Variants in TXNDC11 observed in about 807,000 individuals in gnomAD.
TXNDC11 encodes thioredoxin domain-containing protein 11.
In TXNDC11, 68 loss-of-function variants were observed where a neutral mutation model predicts 78.0. The observed-to-expected ratio is 0.87, with a 90% CI of 0.72 to 1.07. The LOEUF (loss-of-function observed/expected upper bound fraction) is 1.07. Among genes scored for constraint, TXNDC11 ranks in the 50% least tolerant of loss-of-function variants. The pLI, the probability that TXNDC11 is intolerant of heterozygous loss-of-function variation, is 0.00. For synonymous variants in TXNDC11, 571 were observed against 495.2 expected (o/e 1.15, Z -2.03); for missense variants, 1,389 against 1,221.8 (o/e 1.14, Z -2.04).
At chr16:11,701,417 G>C (rs189500054) in intron 5 of TXNDC11, among the ~76,000 whole-genome samples, 146 of 152,178 alleles carry the variant, frequency 9.6e-4, no homozygotes, top group Middle Eastern at 3.4e-3. Context: ...AATTACAGGT[G>C]TGAGCCACCA....
intron 8 of TXNDC11, chr16:11,688,710 A>T (rs975839327): frequency 3.4e-6 from 1 of 297,934 alleles, no homozygotes. Context: ...TTCTTTTTTT[A>T]AAAGGACTGG....
At chr16:11,692,859 C>G (rs996659712) in intron 7 of TXNDC11, among the ~76,000 whole-genome samples, 8 of 152,200 alleles carry the variant, frequency 5.3e-5, no homozygotes, top group Middle Eastern at 3.2e-3. Flanking sequence ...TCAGAACAGA[C>G]CAGGCCCTCC....
In TXNDC11 at chr16:11,679,105, C is replaced by G. The variant is rs1015506281; in HGVS notation, c.*90G>C. 1.4e-5 allele frequency: 19 copies of G among 1,370,638 alleles called. No homozygotes were observed. The highest frequency in any genetic ancestry group is 7.4e-5 in the African/African-American group (5 of 67,886). 84.9% of individuals were successfully genotyped at this position (1,370,638 alleles called of 1,614,324 possible). A position where few individuals can be genotyped will look rare whatever the true frequency, so the allele number is the denominator to read the frequency against. ...TGATTTTCTAGACCACTGAGAAAAT[C>G]TTTATTTACAATAAATTTCAATAAA... On this transcript the variant is annotated 3_prime_UTR_variant, in exon 12 of 12. Coordinates refer to ENST00000283033, the MANE Select transcript of TXNDC11 (RefSeq NM_015914.7). The surrounding 1 kb of genome is among the most constrained non-coding windows in gnomAD (Gnocchi z 4.6).
intron 1 of TXNDC11, among the ~76,000 whole-genome samples, chr16:11,736,502 C>G (rs2141123783): frequency 6.6e-6 from 1 of 152,312 alleles, no homozygotes; most frequent in Non-Finnish European, 1.5e-5. Flanking sequence ...AATCCATATT[C>G]CTGCTCCCCA....
At chr16:11,713,863 T>C (rs948423874) in intron 5 of TXNDC11, among the ~76,000 whole-genome samples, 3 of 151,722 alleles carry the variant, frequency 2.0e-5, no homozygotes, top group African/African-American at 7.3e-5. Context: ...AAAAAAACGA[T>C]CCTAGAACCC....
At chr16:11,682,460 C>T (rs2141959070) in intron 11 of TXNDC11, among the ~76,000 whole-genome samples, 1 of 152,350 alleles carries the variant, frequency 6.6e-6, no homozygotes, top group African/African-American at 2.4e-5. Context: ...CACCAGGCAG[C>T]CTAAGAACGA....
At chr16:11,719,019 TA>T (rs755931316) in intron 5 of TXNDC11, among the ~76,000 whole-genome samples, 10 of 152,236 alleles carry the variant, frequency 6.6e-5, no homozygotes, top group Non-Finnish European at 1.3e-4. Context: ...TGCTGCCTCT[TA>T]TTAGAAGGGT....
In TXNDC11 at chr16:11,721,623, A is replaced by T. The variant is rs2051710022; in HGVS notation, c.747T>A (p.Pro249=). The part of the protein sequence containing the change: ...YFEFSGSPQP[P]GYLTFFTSAL... The stretch of plus-strand genomic sequence containing the variant: ...CTGAGGTGAAGAAGGTCAAATAACC[A>T]GGAGGCTGGGGTGAGCCACTGAACT... Residue 249 remains proline, a synonymous_variant, in exon 5 of 12, where the codon CCT becomes CCA. Coordinates refer to ENST00000283033, the MANE Select transcript of TXNDC11 (RefSeq NM_015914.7). 1 of 1,612,628 alleles carries T rather than the reference A, an allele frequency of 6.2e-7. No homozygotes were observed. The highest frequency in any genetic ancestry group is 8.5e-7 in the Non-Finnish European group (1 of 1,179,144).
chr16:11,742,164 C>G lies in TXNDC11; in HGVS notation c.254+313G>C, dbSNP rs2052416371. 4 of 351,108 alleles carry G rather than the reference C, an allele frequency of 1.1e-5. No individual in the cohort carries two copies. In the Admixed American group the frequency reaches 1.4e-4, roughly 13 times the overall value. 21.7% of individuals were successfully genotyped at this position (351,108 alleles called of 1,614,324 possible). A position where few individuals can be genotyped will look rare whatever the true frequency, so the allele number is the denominator to read the frequency against. Reference sequence around the variant, plus strand: ...GGTGAGAAATGAGGGTCCTACAGCCCGGGCCGAAGTGACAGGTCCACCCCT... The same window carrying G: ...GGTGAGAAATGAGGGTCCTACAGCCGGGGCCGAAGTGACAGGTCCACCCCT... On this transcript the variant is annotated intron_variant, in intron 1 of 11. Transcript: ENST00000283033.
chr16:11,740,568 AG>A lies in TXNDC11; in HGVS notation c.254+1908del, dbSNP rs568606118. Among the ~76,000 whole-genome samples, 13 of 152,330 alleles carry A rather than the reference AG, an allele frequency of 8.5e-5. No individual in the cohort carries two copies. The South Asian group carries it at 2.7e-3, about 32-fold the overall frequency. On this transcript the variant is annotated intron_variant, in intron 1 of 11. Coordinates refer to ENST00000283033, the MANE Select transcript of TXNDC11 (RefSeq NM_015914.7). ...CGATGTAAATAAACTTCACCCCTGGAGGGGGAAACCTCTCTTCCTAATTTGA... is the reference window on the plus strand; with the variant it reads ...CGATGTAAATAAACTTCACCCCTGGAGGGGAAACCTCTCTTCCTAATTTGA...
rs34233338 is a variant in TXNDC11 at position 11,715,462 on chromosome 16, C to CA, written c.793+6114dup. On this transcript the variant is annotated intron_variant, in intron 5 of 11. Transcript: ENST00000283033. ...GCAACAAAGTGAGACCCTGTCACGGCAAAAAAAAAAAAAAAAAGAATGAAC... is the reference window on the plus strand; with the variant it reads ...GCAACAAAGTGAGACCCTGTCACGGCAAAAAAAAAAAAAAAAAAGAATGAAC... 4.5e-4 allele frequency among the ~76,000 whole-genome samples: 61 copies of CA among 135,194 alleles called. No individual in the cohort carries two copies. In the East Asian group the frequency reaches 6.2e-3, roughly 14 times the overall value. The allele number at this position is 135,194 out of a possible 152,430, so 88.7% of individuals were successfully genotyped here. A position where few individuals can be genotyped will look rare whatever the true frequency, so the allele number is the denominator to read the frequency against.
intron 1 of TXNDC11, 110 bp downstream of exon 1, chr16:11,742,367 G>T: frequency 2.2e-6 from 2 of 910,258 alleles, no homozygotes; most frequent in Middle Eastern, 3.7e-4. Flanking sequence ...TCCTGGGCAA[G>T]GTCAGGCCCG....
chr16:11,698,381 C>G, intron 6 of TXNDC11, 56 bp from the exon 7 acceptor site: 4 of 1,517,476 alleles, frequency 2.6e-6, no homozygotes, highest in Non-Finnish European at 3.7e-6. Context: ...GGGGCAAGCT[C>G]AAGGCACATC....
In TXNDC11 at chr16:11,688,376, G is replaced by A. The variant is rs1296244438; in HGVS notation, c.1970C>T (p.Ala657Val). 1.2e-6 allele frequency: 2 copies of A among 1,613,950 alleles called. No individual in the cohort carries two copies. The highest frequency in any genetic ancestry group is 1.3e-5 in the African/African-American group (1 of 75,028). ...LKRHLIGSGS[A>V]QFPSQHLITE... ...GATTAAATGCTGAGACGGGAACTGG[G>A]CAGAGCCACTTCCAATGAGATGCCT... is the stretch of plus-strand genomic sequence containing the variant. The change falls in exon 9 of 12, where the codon GCC becomes GTC. Residue 657 changes from alanine (A) to valine (V), a missense_variant. Ala to Val is a moderately conservative substitution (Grantham distance 64). Transcript: ENST00000283033.
intron 1 of TXNDC11, among the ~76,000 whole-genome samples, chr16:11,736,706 G>C (rs186403509): frequency 1.4e-3 from 210 of 152,314 alleles, no homozygotes; most frequent in African/African-American, 4.6e-3. Context: ...CTTATTAGCT[G>C]GAGTTGGCTT....
At chr16:11,689,784 T>G (rs979496089) in intron 8 of TXNDC11, among the ~76,000 whole-genome samples, 9 of 152,192 alleles carry the variant, frequency 5.9e-5, no homozygotes, top group African/African-American at 2.2e-4. Context: ...CTGGAGTCTC[T>G]TTCCCATTTA....
chr16:11,720,272 T>C (rs1384158559), intron 5 of TXNDC11, among the ~76,000 whole-genome samples: 2 of 152,204 alleles, frequency 1.3e-5, no homozygotes, highest in Non-Finnish European at 1.5e-5. Context: ...TATGCTGTAA[T>C]GTGACATGCG....
Position 11,699,287 on chromosome 16 carries a change from T to C in TXNDC11, c.907-962A>G, listed in dbSNP as rs191881075. ...TTTCCATCTCATAGTCCTACCTTTC[T>C]TTCCCCATCTACTTTTAATTTCTTT... On this transcript the variant is annotated intron_variant, in intron 6 of 11. Transcript: ENST00000283033. Among the ~76,000 whole-genome samples the C allele has an allele frequency of 6.6e-5, 10 of 152,364 alleles. No individual in the cohort carries two copies. The East Asian group carries it at 1.7e-3, about 26-fold the overall frequency.
In TXNDC11 at chr16:11,691,384, G is replaced by A; in HGVS notation, c.1806C>T (p.Ser602=). The A allele has an allele frequency of 1.2e-6, 2 of 1,614,120 alleles. No individual in the cohort carries two copies. The highest frequency in any genetic ancestry group is 1.7e-6 in the Non-Finnish European group (2 of 1,179,978). ...TTGCCGCAAATTCTTTCACCTGAGT[G>A]GAGCTCGGAGCACCCAGTCTCTCTG... The part of the protein sequence containing the change: ...LYAERLGAPS[S]TQVKEFAAIV... The change falls in exon 8 of 12, where the codon TCC becomes TCT. Residue 602 remains serine, a synonymous_variant. Transcript: ENST00000283033.
Sources: allele counts gnomAD v4.1 joint callset (sites outside exome capture counted in the v4.1 genomes callset), GRCh38; gene constraint gnomAD v4.1.1; non-coding constraint Gnocchi (gnomAD v3.1); transcripts MANE v1.5; gene names NCBI Gene and HGNC (gene_info 2026-07-23, HGNC 2026-07-21).